Variants in OTOGL observed in about 807,000 individuals in gnomAD.
OTOGL encodes the protein otogelin-like protein.
In OTOGL, 285 loss-of-function variants were observed where a neutral mutation model predicts 318.5. The observed-to-expected ratio is 0.89, with a 90% CI of 0.81 to 0.99. The LOEUF (loss-of-function observed/expected upper bound fraction) is 0.99, where lower values mean the gene tolerates loss of function less well. OTOGL is among the 50% of genes least tolerant of loss of function. The pLI, the probability that OTOGL is intolerant of heterozygous loss-of-function variation, is 0.00. For synonymous variants in OTOGL, 987 were observed against 936.5 expected, an observed-to-expected ratio of 1.05 and a Z score of -0.99; for missense variants, 2,899 against 2,845.6, an observed-to-expected ratio of 1.02 and a Z score of -0.43.
At chr12:80,365,786 T>C (rs1890492280) in intron 52 of OTOGL, among the ~76,000 whole-genome samples, 1 of 152,164 alleles carries the variant, frequency 6.6e-6, no homozygotes, top group Admixed American at 6.6e-5. Flanking sequence ...TATGTGAATG[T>C]ATTGGAATCA....
At chr12:80,249,934 G>T (rs1322269496) in intron 11 of OTOGL, among the ~76,000 whole-genome samples, 3 of 152,042 alleles carry the variant, frequency 2.0e-5, no homozygotes, top group Non-Finnish European at 4.4e-5. Context: ...TTTTCCAGGT[G>T]CGTCCGTCAG....
chr12:80,320,344 C>T (rs1011907621), intron 33 of OTOGL, 78 bp from the exon 34 acceptor site: 2 of 1,395,564 alleles, frequency 1.4e-6, no homozygotes, highest in East Asian at 2.3e-5. Flanking sequence ...ATTTTGTTTA[C>T]TTTATAAGTA....
At position 80,320,563 on chromosome 12, in the gene OTOGL, T is replaced by C; in HGVS notation, c.3944T>C (p.Leu1315Pro). ...RRATFFHHQG[L>P]WIPGYSAFEL... ...GCAACATTTTTCCACCATCAGGGCC[T>C]CTGGATTCCTGGTTACAGTGCATTT... Residue 1315 changes from leucine to proline, a missense_variant, in exon 34 of 59, where the codon CTC (leucine) becomes CCC (proline). By Grantham distance (98) the Leu-to-Pro change is moderately conservative. Coordinates refer to ENST00000547103, the MANE Select transcript of OTOGL (RefSeq NM_001378609.3). 1 of 1,613,550 alleles carries C rather than the reference T, an allele frequency of 6.2e-7. No individual in the cohort carries two copies. The highest frequency in any genetic ancestry group is 8.5e-7 in the Non-Finnish European group (1 of 1,179,710).
rs1158229943 is a variant in OTOGL, at chr12:80,380,614, T to G, written c.*2566T>G. 6.6e-6 allele frequency: 1 copy of G among 152,130 alleles called. No individual in the cohort carries two copies. The highest frequency in any genetic ancestry group is 1.5e-5 in the Non-Finnish European group (1 of 67,966). The allele number at this position is 152,130 out of a possible 1,614,324, so 9.4% of individuals were successfully genotyped here. ...CCAGACTGGTAAAAAACCAGAAGTT[T>G]AATGATACTTTTATTTTTTAAGGCT... On this transcript the variant is annotated 3_prime_UTR_variant, in exon 59 of 59. Transcript: ENST00000547103.
chr12:80,260,608 G>A (rs768676796), intron 18 of OTOGL, among the ~76,000 whole-genome samples: 3 of 152,038 alleles, frequency 2.0e-5, no homozygotes, highest in Non-Finnish European at 2.9e-5. Flanking sequence ...CAGACATTGC[G>A]GAATAGAAAA....
At chr12:80,245,012 G>C (rs1880745323) in intron 11 of OTOGL, among the ~76,000 whole-genome samples, 1 of 147,868 alleles carries the variant, frequency 6.8e-6, no homozygotes, top group Non-Finnish European at 1.5e-5. Flanking sequence ...GGGGTTGTTT[G>C]TTTTTTTCTT....
chr12:80,254,917 A>G lies in OTOGL; in HGVS notation c.1442-123A>G, dbSNP rs1020493155. ...CAGTAGATTTTCAAAGTTTTGATGC[A>G]TGATTATTTACCCTAAGTTGATCTG... is the stretch of plus-strand genomic sequence containing the variant. On this transcript the variant is annotated intron_variant, in intron 15 of 58. Transcript: ENST00000547103. The G allele has an allele frequency of 8.2e-5, 69 of 840,456 alleles. No individual in the cohort carries two copies. The South Asian group carries it at 2.3e-3, about 28-fold the overall frequency. The allele number at this position is 840,456 out of a possible 1,614,324, so 52.1% of individuals were successfully genotyped here. A position where few individuals can be genotyped will look rare whatever the true frequency, so the allele number is the denominator to read the frequency against.
chr12:80,339,204 ATCATAGACAT>A lies in OTOGL; in HGVS notation c.4995_5004del (p.Asp1666LeufsTer26). On this transcript the variant is annotated frameshift_variant, in exon 43 of 59. Coordinates refer to ENST00000547103, the MANE Select transcript of OTOGL (RefSeq NM_001378609.3). LOFTEE classifies it high-confidence loss of function. ...CATAAAGTGGTCTCATCTTACAGGAATCATAGACATTCATTTTGGCTTCCGATTTAACTTG... is the reference window on the plus strand; with the variant it reads ...CATAAAGTGGTCTCATCTTACAGGAATCATTTTGGCTTCCGATTTAACTTG... 5 of 1,612,420 alleles carry A rather than the reference ATCATAGACAT, an allele frequency of 3.1e-6. No homozygotes were observed. The highest frequency in any genetic ancestry group is 4.2e-6 in the Non-Finnish European group (5 of 1,178,900).
rs1299685673 is a variant in OTOGL at position 80,336,143 on chromosome 12, A to G, written c.4600+3A>G. The G allele has an allele frequency of 1.3e-5, 20 of 1,573,588 alleles. No individual in the cohort carries two copies. Among genetic ancestry groups the G allele is most frequent in the Non-Finnish European group, 1.5e-5 (18 of 1,171,344 alleles). ...CTGCCCTGAGTGGGAATGTCCTTGT[A>G]AGTTTGCATTTCTTAAGCGGTGATC... On this transcript the variant is annotated splice_donor_region_variant and intron_variant, in intron 39 of 58. Transcript: ENST00000547103.
intron 55 of OTOGL, 61 bp downstream of exon 55, chr12:80,368,370 A>T: frequency 7.8e-7 from 1 of 1,285,130 alleles, no homozygotes. Context: ...CTTGAGTCAA[A>T]GTTTGGAAAA....
chr12:80,136,595 A>G (rs984988023), intron 1 of OTOGL, among the ~76,000 whole-genome samples: 21 of 152,170 alleles, frequency 1.4e-4, no homozygotes, highest in Admixed American at 3.3e-4. Flanking sequence ...CAAACCTTCC[A>G]GGAAAGTCTC....
intron 26 of OTOGL, among the ~76,000 whole-genome samples, chr12:80,284,580 G>A (rs1409675698): frequency 2.0e-5 from 3 of 152,150 alleles, no homozygotes; most frequent in African/African-American, 7.2e-5. Context: ...TCTAACTGGT[G>A]TGAGATGATA....
intron 11 of OTOGL, among the ~76,000 whole-genome samples, chr12:80,248,461 ATTCTT>A (rs2137478727): frequency 7.0e-6 from 1 of 143,680 alleles, no homozygotes; most frequent in African/African-American, 2.8e-5. Context: ...TGGGTTGCAA[ATTCTT>A]TTCTTTAAGA....
intron 8 of OTOGL, among the ~76,000 whole-genome samples, chr12:80,230,964 C>T (rs1879308500): frequency 6.6e-6 from 1 of 152,198 alleles, no homozygotes; most frequent in Non-Finnish European, 1.5e-5. Flanking sequence ...CCCATCTCCA[C>T]TGGCATCCTT....
intron 8 of OTOGL, among the ~76,000 whole-genome samples, chr12:80,230,468 A>G (rs972034125): frequency 6.6e-6 from 1 of 152,224 alleles, no homozygotes; most frequent in Non-Finnish European, 1.5e-5. Flanking sequence ...AGGATTCTCT[A>G]TATGGAATTT....
chr12:80,299,647 T>C (rs923842222), intron 27 of OTOGL, among the ~76,000 whole-genome samples: 4 of 151,352 alleles, frequency 2.6e-5, no homozygotes, highest in Non-Finnish European at 5.9e-5. Flanking sequence ...TTTTTATATG[T>C]AAATGCACAA....
In OTOGL at chr12:80,367,668, G is replaced by A. The variant is rs267603695; in HGVS notation, c.6439G>A (p.Glu2147Lys). Residue 2147 changes from glutamate to lysine, a missense_variant, in exon 54 of 59, where the codon GAA becomes AAA. Transcript: ENST00000547103. ...DFCYAIECLE[E>K]KDNHTGFHTL... The stretch of plus-strand genomic sequence containing the variant: ...TTGTTATGCTATAGAGTGTCTGGAA[G>A]AAAAAGATAACCATACGGGCTTTCA... 1 of 1,497,674 alleles carries A rather than the reference G, an allele frequency of 6.7e-7. No individual in the cohort carries two copies. Among genetic ancestry groups the A allele is most frequent in the South Asian group, 1.3e-5 (1 of 76,118 alleles). 92.8% of individuals were successfully genotyped at this position (1,497,674 alleles called of 1,614,324 possible).
chr12:80,370,131 A>C (rs1332033851), intron 55 of OTOGL, among the ~76,000 whole-genome samples: 1 of 152,066 alleles, frequency 6.6e-6, no homozygotes, highest in Non-Finnish European at 1.5e-5. Context: ...AGTAGAAGGA[A>C]GAATAAACAC....
chr12:80,313,669 C>G, intron 31 of OTOGL, 37 bp downstream of exon 31: 11 of 1,512,758 alleles, frequency 7.3e-6, no homozygotes, highest in Non-Finnish European at 9.9e-6. Flanking sequence ...ATGTAGAGAA[C>G]TGATAAAGAG....
Sources: gnomAD v4.1 joint callset for allele counts (sites outside exome capture counted in the v4.1 genomes callset) on GRCh38, gnomAD v4.1.1 for gene constraint, MANE v1.5 for transcripts, NCBI Gene and HGNC (gene_info 2026-07-23, HGNC 2026-07-21) for gene names.